Variants in XPO7 observed in about 807,000 individuals in gnomAD.
XPO7 encodes exportin-7.
A neutral mutation model predicts 144.3 loss-of-function variants in XPO7; 21 were observed. The observed-to-expected ratio is 0.15, with a 90% confidence interval of 0.10 to 0.21. The LOEUF (loss-of-function observed/expected upper bound fraction) is 0.21, where lower values mean the gene tolerates loss of function less well. Among genes scored for constraint, XPO7 ranks in the 10% least tolerant of loss-of-function variants. The pLI, the probability that XPO7 is intolerant of heterozygous loss-of-function variation, is 1.00. For missense variants in XPO7, 808 were observed against 1,325.8 expected (o/e 0.61, Z 6.06); for synonymous variants, 580 against 499.6 (o/e 1.16, Z -2.15).
Position 21,978,875 on chromosome 8 carries a change from A to T in XPO7, c.837+1032A>T, listed in dbSNP as rs370806984. Among the ~76,000 whole-genome samples, 7 of 152,318 alleles carry T rather than the reference A, an allele frequency of 4.6e-5. 1 individual carries two copies. Among genetic ancestry groups the T allele is most frequent in the African/African-American group, 1.7e-4 (7 of 41,570 alleles). On this transcript the variant is annotated intron_variant, in intron 8 of 27. Coordinates refer to ENST00000252512, the MANE Select transcript of XPO7 (RefSeq NM_015024.5). ...CTCTAATCTCCTGCTGGTACTTTCC[A>T]TTGGTTGAAGCCAACTAGAAGCCAG... is the stretch of plus-strand genomic sequence containing the variant.
intron 19 of XPO7, 116 bp downstream of exon 19, chr8:21,992,090 C>T: frequency 4.5e-6 from 3 of 672,746 alleles, no homozygotes; most frequent in Non-Finnish European, 4.8e-6. Flanking sequence ...ATGTCTTGGA[C>T]TTCTAGGGTT....
intron 1 of XPO7, among the ~76,000 whole-genome samples, chr8:21,945,148 G>A (rs570805576): frequency 1.6e-4 from 25 of 152,234 alleles, no homozygotes; most frequent in South Asian, 4.2e-4. Context: ...GGTGGCGGCC[G>A]GGCAGAGGGG....
At chr8:21,973,679 C>G (rs564333004) in intron 5 of XPO7, among the ~76,000 whole-genome samples, 1 of 152,180 alleles carries the variant, frequency 6.6e-6, no homozygotes. Flanking sequence ...ATGAATTGAT[C>G]AGTAAACAGA....
At chr8:21,977,492 T>A (rs900117961) in intron 7 of XPO7, among the ~76,000 whole-genome samples, 1 of 152,008 alleles carries the variant, frequency 6.6e-6, no homozygotes, top group African/African-American at 2.4e-5. Context: ...GGCAGGAGAA[T>A]CCTTTAAACC....
At chr8:21,976,650 T>G in intron 7 of XPO7, 129 bp downstream of exon 7, 1 of 1,170,414 alleles carries the variant, frequency 8.5e-7, no homozygotes, top group South Asian at 1.8e-5. Flanking sequence ...TCTAACGTCT[T>G]TTTTTGTTTG....
At chr8:21,986,951 T>C (rs1585470915) in intron 13 of XPO7, among the ~76,000 whole-genome samples, 190 bp from the exon 14 acceptor site, 1 of 152,214 alleles carries the variant, frequency 6.6e-6, no homozygotes, top group East Asian at 1.9e-4. Flanking sequence ...AACATCATCC[T>C]TCATGTGTCT....
In XPO7 at chr8:21,990,389, C is replaced by G; in HGVS notation, c.1914C>G (p.Phe638Leu). The change falls in exon 17 of 28, where the codon TTC becomes TTG. Residue 638 changes from phenylalanine to leucine, a missense_variant. By Grantham distance (22) the Phe-to-Leu change is conservative (BLOSUM62 0). Transcript: ENST00000252512. Reference sequence around the variant, plus strand: ...TAGTGAAGCTTAGTGCGGTACAGTTCATGCTGAACAATCACACGGTGAGTG... The same window carrying G: ...TAGTGAAGCTTAGTGCGGTACAGTTGATGCTGAACAATCACACGGTGAGTG... ...RKLVKLSAVQ[F>L]MLNNHTSEHF... 1 of 1,613,846 alleles carries G rather than the reference C, an allele frequency of 6.2e-7. No individual in the cohort carries two copies. Among genetic ancestry groups the G allele is most frequent in the Non-Finnish European group, 8.5e-7 (1 of 1,179,762 alleles).
chr8:21,946,215 G>A (rs376400655), intron 1 of XPO7, among the ~76,000 whole-genome samples: 7 of 152,020 alleles, frequency 4.6e-5, no homozygotes, highest in East Asian at 3.8e-4. Flanking sequence ...CTCACACTTC[G>A]GATACTGACT....
Position 21,998,780 on chromosome 8 carries a change from T to G in XPO7, c.2371T>G (p.Ser791Ala), listed in dbSNP as rs894743141. 6.2e-7 allele frequency: 1 copy of G among 1,613,914 alleles called. No homozygotes were observed. The highest frequency in any genetic ancestry group is 8.5e-7 in the Non-Finnish European group (1 of 1,179,896). ...GTCCCAGCGACTCCAGTTTGATGTC[T>G]CTTCCCCCAATGGCATCTTACTCTT... is the stretch of plus-strand genomic sequence containing the variant. ...NRSQRLQFDV[S>A]SPNGILLFRE... is the part of the protein sequence containing the mutation. Residue 791 changes from serine to alanine, a missense_variant, in exon 22 of 28, where the codon TCT becomes GCT. Coordinates refer to ENST00000252512, the MANE Select transcript of XPO7 (RefSeq NM_015024.5).
At chr8:21,956,010 A>C (rs1242816976) in intron 1 of XPO7, among the ~76,000 whole-genome samples, 2 of 152,082 alleles carry the variant, frequency 1.3e-5, no homozygotes, top group East Asian at 3.9e-4. Flanking sequence ...TACAGGCATG[A>C]GCCACTGCGC....
rs139574892 is a variant in XPO7 at position 21,925,958 on chromosome 8, C to A, written c.18+6170C>A. Among the ~76,000 whole-genome samples, 446 of 152,240 alleles carry A rather than the reference C, an allele frequency of 2.9e-3. 3 individuals are homozygous for A. The highest frequency in any genetic ancestry group is 0.01 in the African/African-American group (418 of 41,524). ...ATCTAGTCATCTGTAGCACTTCTCACAAATTGAGCTCTCTTATGCCCCAAA... is the reference window on the plus strand; with the variant it reads ...ATCTAGTCATCTGTAGCACTTCTCAAAAATTGAGCTCTCTTATGCCCCAAA... On this transcript the variant is annotated intron_variant, in intron 1 of 27. Transcript: ENST00000252512.
chr8:22,004,833 C>G (rs1813269908), intron 27 of XPO7, among the ~76,000 whole-genome samples, 162 bp from the exon 28 acceptor site: 1 of 151,448 alleles, frequency 6.6e-6, no homozygotes, highest in Admixed American at 6.6e-5. Context: ...ATCTCTAAGC[C>G]AACTTTTCTC....
intron 10 of XPO7, 94 bp from the exon 11 acceptor site, chr8:21,982,546 A>AC: frequency 1.4e-6 from 2 of 1,426,868 alleles, no homozygotes; most frequent in Non-Finnish European, 9.3e-7. Flanking sequence ...TTTTTTAAAA[A>AC]AAAGAAAAAA....
chr8:21,976,406 C>T lies in XPO7; in HGVS notation c.648C>T (p.Leu216=), dbSNP rs934594459. ...ATGATGAAAGTCAGCATGGCTTGCT[C>T]ATGCAACTGCTCAAGCTCACTCATA... ...NLNDESQHGL[L]MQLLKLTHNC... The change falls in exon 7 of 28, where the codon CTC becomes CTT. Residue 216 remains leucine (L), a synonymous_variant. Transcript: ENST00000252512. The T allele has an allele frequency of 6.2e-7, 1 of 1,613,990 alleles. No homozygotes were observed. The highest frequency in any genetic ancestry group is 8.5e-7 in the Non-Finnish European group (1 of 1,179,880).
chr8:21,934,999 G>C (rs1238183119), intron 1 of XPO7, among the ~76,000 whole-genome samples: 1 of 152,202 alleles, frequency 6.6e-6, no homozygotes, highest in Non-Finnish European at 1.5e-5. Context: ...GTTTTCATTT[G>C]GGCTGTTTGT....
Position 21,989,044 on chromosome 8 carries a change from C to A in XPO7, c.1829C>A (p.Thr610Asn). 1 of 1,613,846 alleles carries A rather than the reference C, an allele frequency of 6.2e-7. No homozygotes were observed. The highest frequency in any genetic ancestry group is 8.5e-7 in the Non-Finnish European group (1 of 1,179,854). ...LKYWGRCEPI[T>N]SKTLQLLNDL... ...TACTGGGGCCGTTGTGAACCAATCA[C>A]CTCCAAGACACTACAGCTTCTCAAT... The change falls in exon 16 of 28, where the codon ACC (threonine) becomes AAC (asparagine). Residue 610 changes from threonine (T) to asparagine (N), a missense_variant. Thr to Asn is a moderately conservative substitution (Grantham distance 65, BLOSUM62 0). Around this residue, in one of 5 missense-constraint regions of XPO7, gnomAD observed 416 missense variants for 612.5 expected, o/e 0.68. Transcript: ENST00000252512.
intron 4 of XPO7, among the ~76,000 whole-genome samples, chr8:21,971,395 A>T (rs374787084): frequency 2.0e-5 from 3 of 152,330 alleles, no homozygotes; most frequent in East Asian, 3.9e-4. Flanking sequence ...TAGGTTAAAA[A>T]AATTGGTATC....
At chr8:21,931,624 A>G (rs141368425) in intron 1 of XPO7, among the ~76,000 whole-genome samples, 78 of 152,354 alleles carry the variant, frequency 5.1e-4, no homozygotes, top group African/African-American at 1.8e-3. Flanking sequence ...CATGCATTTA[A>G]TGCAAGAAAG....
chr8:21,951,699 C>T (rs1811379194), intron 1 of XPO7, among the ~76,000 whole-genome samples: 1 of 152,154 alleles, frequency 6.6e-6, no homozygotes, highest in Non-Finnish European at 1.5e-5. Flanking sequence ...AACCAATAGC[C>T]GTGTAGGTGT....
Sources: gnomAD v4.1 joint callset for allele counts (sites outside exome capture counted in the v4.1 genomes callset) on GRCh38, gnomAD v4.1.1 for gene constraint, gnomAD v4.1.1 regional missense constraint, MANE v1.5 for transcripts, NCBI Gene and HGNC (gene_info 2026-07-23, HGNC 2026-07-21) for gene names.